The following RBMS3 variants were observed in gnomAD, a reference collection of about 807,000 sequenced individuals.
The protein encoded by RBMS3 is RNA-binding motif, single-stranded-interacting protein 3.
In RBMS3, 27 loss-of-function variants were observed where a neutral mutation model predicts 66.8. The ratio of observed to expected loss-of-function variants is 0.40; its 90% CI spans 0.30 to 0.56. RBMS3 has a LOEUF of 0.56. Among genes scored for constraint, RBMS3 ranks in the 20% least tolerant of loss-of-function variants. The pLI, the probability that RBMS3 is intolerant of heterozygous loss-of-function variation, is 0.40. For missense variants in RBMS3, 513 were observed against 549.5 expected (o/e 0.93, Z 0.66); for synonymous variants, 188 against 183.0 (o/e 1.03, Z -0.22).
At chr3:29,722,896 T>C (rs566252142) in intron 4 of RBMS3, among the ~76,000 whole-genome samples, 1 of 152,286 alleles carries the variant, frequency 6.6e-6, no homozygotes, top group Non-Finnish European at 1.5e-5. Flanking sequence ...AATGTCTCCA[T>C]GGAAAAGTTA....
At chr3:29,620,117 A>G (rs1021525768) in intron 4 of RBMS3, among the ~76,000 whole-genome samples, 2 of 152,196 alleles carry the variant, frequency 1.3e-5, no homozygotes, top group African/African-American at 4.8e-5. Flanking sequence ...ACAGTTCCAG[A>G]AAACAAATGG....
At chr3:29,374,023 A>G (rs924535823) in intron 1 of RBMS3, among the ~76,000 whole-genome samples, 1 of 152,204 alleles carries the variant, frequency 6.6e-6, no homozygotes, top group African/African-American at 2.4e-5. Flanking sequence ...AAGGCTGTGC[A>G]CTTTTGCTGG....
intron 2 of RBMS3, among the ~76,000 whole-genome samples, chr3:29,443,286 T>G (rs1301161065): frequency 6.6e-6 from 1 of 152,150 alleles, no homozygotes; most frequent in East Asian, 1.9e-4. Flanking sequence ...AGTACTGCCA[T>G]GGTCTTTTTA....
At chr3:29,439,523 A>C (rs1202101972) in intron 2 of RBMS3, among the ~76,000 whole-genome samples, 1 of 152,176 alleles carries the variant, frequency 6.6e-6, no homozygotes, top group Non-Finnish European at 1.5e-5. Context: ...AATTAACCAA[A>C]TGAACTTCAA....
intron 6 of RBMS3, among the ~76,000 whole-genome samples, chr3:29,806,529 C>G (rs4396848): frequency 0.5 from 76,166 of 151,722 alleles, 19,967 homozygotes; most frequent in African/African-American, 0.58. Flanking sequence ...GTGAAGAAAG[C>G]CAGCACAATT....
At chr3:29,773,234 G>A (rs1447680291) in intron 6 of RBMS3, among the ~76,000 whole-genome samples, 2 of 151,948 alleles carry the variant, frequency 1.3e-5, no homozygotes, top group African/African-American at 2.4e-5. Context: ...TTGTCCTAAA[G>A]CTCTAAATGC....
intron 6 of RBMS3, among the ~76,000 whole-genome samples, chr3:29,775,705 A>G (rs1341379514): frequency 1.3e-5 from 2 of 152,080 alleles, no homozygotes; most frequent in Non-Finnish European, 2.9e-5. Flanking sequence ...CATGTGGGAC[A>G]TATCTTAAGT....
intron 1 of RBMS3, among the ~76,000 whole-genome samples, chr3:29,325,137 ACT>A (rs2035243274): frequency 6.6e-6 from 1 of 152,144 alleles, no homozygotes; most frequent in East Asian, 1.9e-4. Context: ...ATCAGGAAAC[ACT>A]CTATGTATTA....
chr3:29,694,006 G>T (rs1183735503), intron 4 of RBMS3, among the ~76,000 whole-genome samples: 1 of 152,090 alleles, frequency 6.6e-6, no homozygotes, highest in East Asian at 1.9e-4. Context: ...GCTTCACAGT[G>T]GTTTCTTCAA....
At chr3:29,520,666 T>A (rs1254100553) in intron 3 of RBMS3, among the ~76,000 whole-genome samples, 1 of 152,160 alleles carries the variant, frequency 6.6e-6, no homozygotes, top group Non-Finnish European at 1.5e-5. Flanking sequence ...AAAACACATA[T>A]GCACTATATA....
intron 10 of RBMS3, among the ~76,000 whole-genome samples, chr3:29,926,513 C>T (rs77288885): frequency 0.012 from 1,804 of 152,204 alleles, 32 homozygotes; most frequent in African/African-American, 0.042. Flanking sequence ...TTCTCTTGAT[C>T]GCCCCTGTGG....
At chr3:29,369,561 G>T (rs2038089375) in intron 1 of RBMS3, among the ~76,000 whole-genome samples, 1 of 150,422 alleles carries the variant, frequency 6.6e-6, no homozygotes, top group Admixed American at 6.6e-5. Flanking sequence ...AGGAGAGAGG[G>T]AACAATGAAG....
intron 2 of RBMS3, among the ~76,000 whole-genome samples, chr3:29,451,190 A>C (rs760708260): frequency 3.3e-5 from 5 of 152,246 alleles, no homozygotes; most frequent in Non-Finnish European, 7.3e-5. Flanking sequence ...AAAGAAATGC[A>C]TTCCACAGAA....
At chr3:29,965,029 T>C (rs1055694416) in intron 12 of RBMS3, among the ~76,000 whole-genome samples, 2 of 152,164 alleles carry the variant, frequency 1.3e-5, no homozygotes, top group African/African-American at 4.8e-5. Context: ...CTCATCCAGG[T>C]CACTGCAAAT....
At chr3:29,403,025 C>T (rs1291832297) in intron 1 of RBMS3, among the ~76,000 whole-genome samples, 4 of 151,514 alleles carry the variant, frequency 2.6e-5, no homozygotes, top group African/African-American at 9.7e-5. Context: ...AAGTATAAGA[C>T]GATCATAGAA....
intron 11 of RBMS3, 71 bp from the exon 12 acceptor site, chr3:29,944,136 G>T: frequency 1.4e-6 from 2 of 1,406,676 alleles, no homozygotes; most frequent in Non-Finnish European, 2.0e-6. Context: ...TCTTCCACGT[G>T]TTAGGGCTGA....
At chr3:29,729,903 CA>C (rs2054057504) in intron 4 of RBMS3, among the ~76,000 whole-genome samples, 1 of 151,972 alleles carries the variant, frequency 6.6e-6, no homozygotes, top group Admixed American at 6.6e-5. Flanking sequence ...TCAGCTTTCT[CA>C]CATGTAAAAT....
intron 8 of RBMS3, among the ~76,000 whole-genome samples, chr3:29,891,452 C>T (rs765947178): frequency 6.6e-6 from 1 of 151,598 alleles, no homozygotes; most frequent in Non-Finnish European, 1.5e-5. Flanking sequence ...GGCTAACTTA[C>T]AAGAATAAAA....
chr3:29,689,103 A>G (rs1438107907), intron 4 of RBMS3, among the ~76,000 whole-genome samples: 1 of 25,852 alleles, frequency 3.9e-5, no homozygotes, highest in Non-Finnish European at 8.1e-5. Flanking sequence ...ATATAGAAAT[A>G]GATATAGATA....
Sources: allele counts gnomAD v4.1 joint callset (sites outside exome capture counted in the v4.1 genomes callset), GRCh38; gene constraint gnomAD v4.1.1; transcripts MANE v1.5; gene names NCBI Gene and HGNC (gene_info 2026-07-23, HGNC 2026-07-21).